The following SLC38A9 variants were observed in gnomAD, a reference collection of about 807,000 sequenced individuals.
SLC38A9 encodes the protein neutral amino acid transporter 9.
Under a neutral mutation model 62.3 loss-of-function variants are expected in SLC38A9, and 48 were observed. The ratio of observed to expected loss-of-function variants is 0.77; its 90% CI spans 0.61 to 0.98. The LOEUF (loss-of-function observed/expected upper bound fraction) is 0.98. SLC38A9 is among the 50% of genes least tolerant of loss of function. The pLI, the probability that SLC38A9 is intolerant of heterozygous loss-of-function variation, is 0.00. For missense variants in SLC38A9, 541 were observed against 679.8 expected (o/e 0.80, Z 2.27); for synonymous variants, 204 against 227.7 (o/e 0.90, Z 0.94).
At chr5:55,676,291 T>C (rs1400216341) in intron 3 of SLC38A9, among the ~76,000 whole-genome samples, 2 of 152,156 alleles carry the variant, frequency 1.3e-5, no homozygotes, top group Non-Finnish European at 2.9e-5. Context: ...TGCCTCAGTC[T>C]CAGCCTCCCA....
rs1055406867 is a variant in SLC38A9, at chr5:55,644,023, C to T, written c.1167+1766G>A. ...TTGCTCAGGCTGGAGTGCAGTGGCA[C>T]GATCTCTGCTCACTGCAACCTCCAC... is the stretch of plus-strand genomic sequence containing the variant. On this transcript the variant is annotated intron_variant, in intron 12 of 15. Transcript: ENST00000396865. 6.6e-5 allele frequency among the ~76,000 whole-genome samples: 10 copies of T among 152,028 alleles called. No individual in the cohort carries two copies. The East Asian group carries it at 1.6e-3, about 24-fold the overall frequency.
chr5:55,639,183 G>A (rs1223393794), intron 12 of SLC38A9, among the ~76,000 whole-genome samples: 16 of 149,676 alleles, frequency 1.1e-4, no homozygotes, highest in Non-Finnish European at 2.4e-4. Context: ...TGAGGCAGGA[G>A]AACTGCTTGA....
Position 55,627,980 on chromosome 5 carries a change from G to C in SLC38A9, c.1431C>G (p.Ser477Arg). ...LGHIFGDIYP[S>R]IFHVLILNLI... The stretch of plus-strand genomic sequence containing the variant: ...GATTAAGAATCAGCACATGGAAAAT[G>C]CTAGAAGTTGAGAAGAGAGTTTGGA... Residue 477 changes from serine to arginine, a missense_variant and splice_region_variant, in exon 15 of 16, where the codon AGC (serine) becomes AGG (arginine). Physicochemically the swap from Ser to Arg is moderately radical, Grantham distance 110 (BLOSUM62 -1). Transcript: ENST00000396865. The C allele has an allele frequency of 1.2e-6, 2 of 1,607,824 alleles. No individual in the cohort carries two copies. The highest frequency in any genetic ancestry group is 1.7e-6 in the Non-Finnish European group (2 of 1,175,070).
In SLC38A9 at chr5:55,636,756, T is replaced by C. The variant is rs536784198; in HGVS notation, c.1168-1099A>G. The stretch of plus-strand genomic sequence containing the variant: ...GAGAAATCTTAAGGTCAGGTCTAAA[T>C]TGACAATCAGCTTGAAAGTAAGTTA... On this transcript the variant is annotated intron_variant, in intron 12 of 15. Coordinates refer to ENST00000396865, the MANE Select transcript of SLC38A9 (RefSeq NM_173514.4). 1.3e-3 allele frequency among the ~76,000 whole-genome samples: 202 copies of C among 152,320 alleles called. 1 individual carries two copies. Among genetic ancestry groups the C allele is most frequent in the Middle Eastern group, 0.01 (3 of 294 alleles).
chr5:55,676,713 A>C (rs1350543997), intron 3 of SLC38A9, among the ~76,000 whole-genome samples: 2 of 152,340 alleles, frequency 1.3e-5, no homozygotes, highest in East Asian at 1.9e-4. Flanking sequence ...TTTTTCTACG[A>C]CGACACATAG....
At position 55,649,191 on chromosome 5, in the gene SLC38A9, T is replaced by C; in HGVS notation, c.1060+16A>G. 7.0e-7 allele frequency: 1 copy of C among 1,419,240 alleles called. No individual in the cohort carries two copies. The highest frequency in any genetic ancestry group is 9.7e-7 in the Non-Finnish European group (1 of 1,031,238). The allele number at this position is 1,419,240 out of a possible 1,614,324, so 87.9% of individuals were successfully genotyped here. A position where few individuals can be genotyped will look rare whatever the true frequency, so the allele number is the denominator to read the frequency against. On this transcript the variant is annotated intron_variant, in intron 11 of 15. Coordinates refer to ENST00000396865, the MANE Select transcript of SLC38A9 (RefSeq NM_173514.4). ...GATCACATTATTATAATTTATTATTTTGCCAAAAAGCTCACCTGGTACAAA... is the reference window on the plus strand; with the variant it reads ...GATCACATTATTATAATTTATTATTCTGCCAAAAAGCTCACCTGGTACAAA...
chr5:55,630,729 C>A (rs1439876938), intron 14 of SLC38A9, among the ~76,000 whole-genome samples: 3 of 152,048 alleles, frequency 2.0e-5, no homozygotes, highest in Non-Finnish European at 4.4e-5. Flanking sequence ...GCATGTAATA[C>A]ATAATAATCA....
intron 12 of SLC38A9, among the ~76,000 whole-genome samples, chr5:55,639,983 C>CTTTTT (rs36073153): frequency 1.9e-4 from 19 of 98,466 alleles, no homozygotes; most frequent in Admixed American, 2.7e-4. Flanking sequence ...TAAACCTTTG[C>CTTTTT]TTTTTTTTTT....
chr5:55,656,154 A>G (rs1714984812), intron 9 of SLC38A9, among the ~76,000 whole-genome samples: 1 of 151,764 alleles, frequency 6.6e-6, no homozygotes, highest in Admixed American at 6.6e-5. Context: ...TGTGAATTGT[A>G]TAATATGAAC....
chr5:55,709,833 G>A (rs144667140), intron 2 of SLC38A9, among the ~76,000 whole-genome samples: 3,321 of 152,024 alleles, frequency 0.022, 128 homozygotes, highest in African/African-American at 0.076. Context: ...TTGGGAGGCC[G>A]AGGCAGGCAG....
intron 3 of SLC38A9, among the ~76,000 whole-genome samples, chr5:55,695,133 T>C (rs539960395): frequency 2.5e-5 from 3 of 118,346 alleles, no homozygotes; most frequent in African/African-American, 8.6e-5. Context: ...CAGCAGTTTT[T>C]CTTAGTGTTA....
intron 3 of SLC38A9, chr5:55,691,262 T>C: frequency 7.5e-7 from 1 of 1,339,174 alleles, no homozygotes; most frequent in South Asian, 1.3e-5. Context: ...CCAATTGTTT[T>C]CCATTATAAT....
At chr5:55,662,330 C>G (rs1749720302) in intron 8 of SLC38A9, among the ~76,000 whole-genome samples, 1 of 151,996 alleles carries the variant, frequency 6.6e-6, no homozygotes, top group Non-Finnish European at 1.5e-5. Flanking sequence ...TGTGTATTAA[C>G]AGAGATGATG....
Position 55,664,810 on chromosome 5 carries a change from CG to C in SLC38A9, c.579del (p.Phe193LeufsTer21), listed in dbSNP as rs1561368213. 2 of 1,587,766 alleles carry C rather than the reference CG, an allele frequency of 1.3e-6. No homozygotes were observed. Among genetic ancestry groups the C allele is most frequent in the Admixed American group, 3.6e-5 (2 of 55,564 alleles). The part of the protein sequence containing the change: ...WEYPDVCRHY[F>X]GSFGQWSSLL... ...AGACTCGACCACTGCCCAAAGGAGC[CG>C]AAATAATGTCTGCAGACATCTGGAT... On this transcript the variant is annotated frameshift_variant, in exon 8 of 16. Coordinates refer to ENST00000396865, the MANE Select transcript of SLC38A9 (RefSeq NM_173514.4). LOFTEE classifies it high-confidence loss of function.
Position 55,669,876 on chromosome 5 carries a change from C to G in SLC38A9, c.250G>C (p.Ala84Pro). ...LTTPADKALI[A>P]PDHVVPAPEE... ...GGAGCTGGAACTACATGGTCTGGGG[C>G]AATCTGGTAAAAAGGAAACATAGAT... Residue 84 changes from alanine to proline, a missense_variant, in exon 5 of 16, where the codon GCC becomes CCC. Ala to Pro is a conservative substitution (Grantham distance 27). Transcript: ENST00000396865. The G allele has an allele frequency of 6.3e-7, 1 of 1,584,714 alleles. No homozygotes were observed. Among genetic ancestry groups the G allele is most frequent in the East Asian group, 2.2e-5 (1 of 44,706 alleles).
At position 55,652,544 on chromosome 5, in the gene SLC38A9, T is replaced by A; in HGVS notation, c.937A>T (p.Lys313Ter). 9 of 1,600,082 alleles carry A rather than the reference T, an allele frequency of 5.6e-6. No homozygotes were observed. The highest frequency in any genetic ancestry group is 7.7e-6 in the Non-Finnish European group (9 of 1,173,352). ...LNFKSPSFFS[K>*]FNILGTVSVL... is the part of the protein sequence containing the mutation. ...TACTACTTACCTAGGATATTAAATT[T>A]TGAAAAAAATGAAGGAGACTTGAAA... The change falls in exon 10 of 16, where the codon AAA (lysine) becomes TAA (stop). Residue 313 changes from lysine to a stop codon, truncating the protein, a stop_gained. Coordinates refer to ENST00000396865, the MANE Select transcript of SLC38A9 (RefSeq NM_173514.4). LOFTEE classifies it high-confidence loss of function.
At chr5:55,667,119 T>TC (rs747695424) in intron 7 of SLC38A9, among the ~76,000 whole-genome samples, 3 of 152,194 alleles carry the variant, frequency 2.0e-5, no homozygotes, top group Non-Finnish European at 4.4e-5. Context: ...TGCTTGAACC[T>TC]GGGAGGAGGA....
At chr5:55,652,161 C>A (rs1190295112) in intron 10 of SLC38A9, among the ~76,000 whole-genome samples, 1 of 151,328 alleles carries the variant, frequency 6.6e-6, no homozygotes, top group East Asian at 1.9e-4. Flanking sequence ...GGGTTTGAGA[C>A]CAGCCTGGAC....
rs140036433 is a variant in SLC38A9 at position 55,687,159 on chromosome 5, G to C, written c.113+10687C>G. On this transcript the variant is annotated intron_variant, in intron 3 of 15. Coordinates refer to ENST00000396865, the MANE Select transcript of SLC38A9 (RefSeq NM_173514.4). The stretch of plus-strand genomic sequence containing the variant: ...ATGTATTTTTAAAAGTTTTTTCTAG[G>C]CCGGGCGCGGTGGCTCACGCCTGTA... Among the ~76,000 whole-genome samples the C allele has an allele frequency of 3.1e-3, 464 of 149,754 alleles. 2 individuals are homozygous for C. The highest frequency in any genetic ancestry group is 0.011 in the African/African-American group (445 of 40,348).
Sources: allele counts gnomAD v4.1 joint callset (sites outside exome capture counted in the v4.1 genomes callset), GRCh38; gene constraint gnomAD v4.1.1; transcripts MANE v1.5; gene names NCBI Gene and HGNC (gene_info 2026-07-23, HGNC 2026-07-21).